The following ALMS1 variants were observed in gnomAD, a reference collection of about 807,000 sequenced individuals.
ALMS1 encodes the protein ALMS1 centrosome and basal body associated protein, also known as centrosome-associated protein ALMS1.
In ALMS1, 271 loss-of-function variants were observed where a neutral mutation model predicts 352.2. The ratio of observed to expected loss-of-function variants is 0.77; its 90% CI spans 0.70 to 0.85. The LOEUF (loss-of-function observed/expected upper bound fraction) is 0.85. Ranked by LOEUF, ALMS1 falls within the 40% of genes least tolerant of loss-of-function variation. The pLI, the probability that ALMS1 is intolerant of heterozygous loss-of-function variation, is 0.00. For synonymous variants in ALMS1, 1,865 were observed against 1,761.2 expected, an observed-to-expected ratio of 1.06 and a Z score of -1.48; for missense variants, 5,445 against 4,870.7, an observed-to-expected ratio of 1.12 and a Z score of -3.51.
intron 2 of ALMS1, among the ~76,000 whole-genome samples, chr2:73,417,080 A>G (rs1671194444): frequency 6.6e-6 from 1 of 152,194 alleles, no homozygotes; most frequent in Admixed American, 6.5e-5. Context: ...TTAACAGAGC[A>G]AAAGCCTGTC....
At chr2:73,425,849 G>A (rs1355845652) in intron 5 of ALMS1, among the ~76,000 whole-genome samples, 1 of 152,040 alleles carries the variant, frequency 6.6e-6, no homozygotes, top group African/African-American at 2.4e-5. Context: ...TTCCTATACT[G>A]GCATCCAAAT....
At position 73,409,330 on chromosome 2, in the gene ALMS1, C is replaced by T. The variant is rs574772065; in HGVS notation, c.450+583C>T. Reference sequence around the variant, plus strand: ...GAGTCTCTGTGTTTACTGGGCTGGTCTCTCATTCCTGGCCTTAAGTGATCC... The same window carrying T: ...GAGTCTCTGTGTTTACTGGGCTGGTTTCTCATTCCTGGCCTTAAGTGATCC... On this transcript the variant is annotated intron_variant, in intron 2 of 22. Transcript: ENST00000613296. Among the ~76,000 whole-genome samples, 9 of 152,018 alleles carry T rather than the reference C, an allele frequency of 5.9e-5. No individual in the cohort carries two copies. The East Asian group carries it at 1.7e-3, about 29-fold the overall frequency.
intron 9 of ALMS1, among the ~76,000 whole-genome samples, chr2:73,478,450 T>C (rs1346842420): frequency 6.6e-6 from 1 of 152,182 alleles, no homozygotes; most frequent in Non-Finnish European, 1.5e-5. Context: ...GGGATGAGTA[T>C]AAATCTACTC....
chr2:73,571,043 A>G lies in ALMS1; in HGVS notation c.10385-1219A>G, dbSNP rs372582573. 6.6e-4 allele frequency among the ~76,000 whole-genome samples: 100 copies of G among 152,312 alleles called. 4 individuals are homozygous for G. The South Asian group carries it at 0.021, about 31-fold the overall frequency. ...GCATTTGTTCAGTGCAGAAGCTGCA[A>G]TCTCAAGAACCTGTAGAATCTAAAT... is the stretch of plus-strand genomic sequence containing the variant. On this transcript the variant is annotated intron_variant, in intron 15 of 22. Coordinates refer to ENST00000613296, the MANE Select transcript of ALMS1 (RefSeq NM_001378454.1).
intron 13 of ALMS1, among the ~76,000 whole-genome samples, chr2:73,553,606 T>G (rs933132170): frequency 6.6e-6 from 1 of 152,220 alleles, no homozygotes; most frequent in Admixed American, 6.5e-5. Context: ...AAAATAAATG[T>G]AATTACAGTA....
chr2:73,542,827 AAGG>A, intron 12 of ALMS1, among the ~76,000 whole-genome samples: 1 of 152,116 alleles, frequency 6.6e-6, no homozygotes, highest in Admixed American at 6.5e-5. Flanking sequence ...GGACCTCTTC[AAGG>A]AGAACTACAA....
chr2:73,602,084 TC>T, intron 19 of ALMS1, 100 bp from the exon 20 acceptor site: 1 of 1,230,624 alleles, frequency 8.1e-7, no homozygotes, highest in East Asian at 2.5e-5. Context: ...GAATCAGACT[TC>T]CCCAAACCTC....
chr2:73,508,807 T>C (rs1673389596), intron 10 of ALMS1, among the ~76,000 whole-genome samples: 1 of 152,210 alleles, frequency 6.6e-6, no homozygotes, highest in African/African-American at 2.4e-5. Context: ...ATTTGTCTAA[T>C]ATTGACAATG....
At chr2:73,424,216 GTTA>G (rs1356231250) in intron 4 of ALMS1, among the ~76,000 whole-genome samples, 1 of 152,150 alleles carries the variant, frequency 6.6e-6, no homozygotes, top group African/African-American at 2.4e-5. Flanking sequence ...TAATATCAGG[GTTA>G]TAGGGTGGTA....
intron 2 of ALMS1, among the ~76,000 whole-genome samples, chr2:73,412,977 GT>G (rs1014904488): frequency 2.0e-5 from 3 of 151,190 alleles, no homozygotes; most frequent in African/African-American, 7.3e-5. Flanking sequence ...GGTATCATCA[GT>G]TTTTTCTTTT....
chr2:73,470,545 A>G (rs1241929474), intron 9 of ALMS1: 1 of 151,796 alleles, frequency 6.6e-6, no homozygotes, highest in Non-Finnish European at 1.5e-5. Context: ...GGTTGGTATC[A>G]TTTCAGTCTT....
intron 9 of ALMS1, among the ~76,000 whole-genome samples, chr2:73,485,561 A>C (rs1442666540): frequency 3.3e-5 from 5 of 152,200 alleles, no homozygotes; most frequent in African/African-American, 1.2e-4. Flanking sequence ...GATGTAGCCT[A>C]CAGAGGCAGG....
In ALMS1 at chr2:73,450,742, T is replaced by A; in HGVS notation, c.4215T>A (p.Ala1405=). The change falls in exon 8 of 23, where the codon GCT becomes GCA. Residue 1405 remains alanine (A), a synonymous_variant. Transcript: ENST00000613296. ...SLPGSHLTEE[A]KNVSAVPGPG... is the part of the protein sequence containing the mutation. ...CAGGTAGTCATCTAACTGAAGAGGC[T>A]AAGAACGTTTCAGCGGTTCCTGGAC... 6.2e-7 allele frequency: 1 copy of A among 1,612,966 alleles called. No homozygotes were observed. Among genetic ancestry groups the A allele is most frequent in the South Asian group, 1.1e-5 (1 of 91,046 alleles).
At chr2:73,547,088 A>G (rs1266244974) in intron 12 of ALMS1, among the ~76,000 whole-genome samples, 2 of 152,208 alleles carry the variant, frequency 1.3e-5, no homozygotes, top group East Asian at 1.9e-4. Context: ...TATATGAACT[A>G]TTTGATACTG....
chr2:73,554,540 C>T (rs997688656), intron 13 of ALMS1, among the ~76,000 whole-genome samples: 2 of 149,840 alleles, frequency 1.3e-5, no homozygotes, highest in African/African-American at 4.9e-5. Context: ...CCCGTCTCTA[C>T]TAAAAATACA....
At chr2:73,576,813 G>A (rs184099092) in intron 16 of ALMS1, among the ~76,000 whole-genome samples, 2 of 151,754 alleles carry the variant, frequency 1.3e-5, no homozygotes, top group African/African-American at 2.4e-5. Flanking sequence ...GTAGAGACAG[G>A]GTTTCACCAT....
intron 11 of ALMS1, among the ~76,000 whole-genome samples, chr2:73,527,683 TTTTG>T (rs1054396860): frequency 6.6e-6 from 1 of 152,132 alleles, no homozygotes; most frequent in Non-Finnish European, 1.5e-5. Flanking sequence ...GGTTTGTCGA[TTTTG>T]TTTATCTTTT....
chr2:73,452,997 C>T lies in ALMS1; in HGVS notation c.6470C>T (p.Pro2157Leu). Residue 2157 changes from proline to leucine, a missense_variant, in exon 8 of 23, where the codon CCA becomes CTA. Coordinates refer to ENST00000613296, the MANE Select transcript of ALMS1 (RefSeq NM_001378454.1). ...KPDIFYQKDLPDRHLTEDALK... is the reference protein window; with the variant it reads ...KPDIFYQKDLLDRHLTEDALK... The stretch of plus-strand genomic sequence containing the variant: ...GATATTTTCTATCAAAAGGATTTGC[C>T]AGATAGACATCTAACTGAAGATGCT... The T allele has an allele frequency of 6.2e-7, 1 of 1,612,720 alleles. No individual in the cohort carries two copies. The highest frequency in any genetic ancestry group is 8.5e-7 in the Non-Finnish European group (1 of 1,179,484).
intron 19 of ALMS1, 48 bp downstream of exon 19, chr2:73,601,484 G>C (rs199738279): frequency 5.3e-5 from 85 of 1,600,284 alleles, no homozygotes; most frequent in Non-Finnish European, 6.8e-5. Flanking sequence ...GGGAGAAGAA[G>C]GGCAAGGCGC....
Sources: gnomAD v4.1 joint callset for allele counts (sites outside exome capture counted in the v4.1 genomes callset) on GRCh38, gnomAD v4.1.1 for gene constraint, MANE v1.5 for transcripts, NCBI Gene and HGNC (gene_info 2026-07-23, HGNC 2026-07-21) for gene names.